Variants in DGLUCY observed in about 807,000 individuals in gnomAD.
DGLUCY encodes the protein D-glutamate cyclase.
A neutral mutation model predicts 58.5 loss-of-function variants in DGLUCY; 58 were observed. That is an observed-to-expected ratio of 0.99 (90% CI 0.80 to 1.23). The LOEUF is 1.23. Among genes scored for constraint, DGLUCY ranks in the 50% most tolerant of loss-of-function variants. The probability of loss-of-function intolerance (pLI) is 0.00; values close to 1 mark genes in which losing one functional copy is unlikely to be tolerated. For synonymous variants in DGLUCY, 325 were observed against 314.1 expected, an observed-to-expected ratio of 1.03 and a Z score of -0.37; for missense variants, 779 against 784.7, an observed-to-expected ratio of 0.99 and a Z score of 0.09.
intron 1 of DGLUCY, among the ~76,000 whole-genome samples, chr14:91,140,931 T>A (rs1365543526): frequency 6.6e-6 from 1 of 152,156 alleles, no homozygotes; most frequent in Non-Finnish European, 1.5e-5. Flanking sequence ...TCCTGTAGGA[T>A]TTCATGAGAC....
chr14:91,217,044 G>A lies in DGLUCY; in HGVS notation c.1716+1488G>A, dbSNP rs561610749. Among the ~76,000 whole-genome samples the A allele has an allele frequency of 5.3e-5, 8 of 152,266 alleles. 1 individual carries two copies. Among genetic ancestry groups the A allele is most frequent in the African/African-American group, 1.9e-4 (8 of 41,542 alleles). ...CAACACCAATTCCAGGCTCTAACCC[G>A]CCTCCTCTGGGGCTCCTCAAGGAGA... On this transcript the variant is annotated intron_variant, in intron 13 of 13. Transcript: ENST00000256324.
At chr14:91,125,993 T>C (rs2045650801) in intron 1 of DGLUCY, among the ~76,000 whole-genome samples, 1 of 152,192 alleles carries the variant, frequency 6.6e-6, no homozygotes, top group South Asian at 2.1e-4. Context: ...GCTGGGGTCA[T>C]GTGACCATCC....
At chr14:91,149,986 C>T (rs375869740) in intron 1 of DGLUCY, among the ~76,000 whole-genome samples, 11 of 151,862 alleles carry the variant, frequency 7.2e-5, no homozygotes, top group Admixed American at 2.6e-4. Flanking sequence ...TTTGGGTGGC[C>T]GAGGCGGGCG....
chr14:91,184,577 T>TGGGG (rs1217191950), intron 8 of DGLUCY, among the ~76,000 whole-genome samples: 5 of 23,252 alleles, frequency 2.2e-4, no homozygotes, highest in Non-Finnish European at 2.7e-4. Flanking sequence ...GAAAGAAAGT[T>TGGGG]GGGGGGGGGG....
rs139087658 is a variant in DGLUCY at position 91,225,252 on chromosome 14, C to A, written c.*419C>A. On this transcript the variant is annotated 3_prime_UTR_variant, in exon 14 of 14. Transcript: ENST00000256324. ...ACTCCAGACTCCAGTCATCCTCCCCCATCCATGGTTTCTGTTACTCATGGT... is the reference window on the plus strand; with the variant it reads ...ACTCCAGACTCCAGTCATCCTCCCCAATCCATGGTTTCTGTTACTCATGGT... The A allele has an allele frequency of 6.4e-6, 1 of 155,834 alleles. No homozygotes were observed. Among genetic ancestry groups the A allele is most frequent in the African/African-American group, 2.4e-5 (1 of 41,638 alleles). 9.7% of individuals were successfully genotyped at this position (155,834 alleles called of 1,614,324 possible).
intron 8 of DGLUCY, among the ~76,000 whole-genome samples, chr14:91,188,285 C>G (rs1227317663): frequency 6.6e-6 from 1 of 152,114 alleles, no homozygotes; most frequent in Non-Finnish European, 1.5e-5. Flanking sequence ...AGGTGCATGC[C>G]AGGCCCAGAG....
chr14:91,166,809 A>G (rs535636257), intron 3 of DGLUCY, among the ~76,000 whole-genome samples: 1 of 152,082 alleles, frequency 6.6e-6, no homozygotes, highest in African/African-American at 2.4e-5. Context: ...CTTTAAAAAA[A>G]TCACAGAGGG....
chr14:91,130,174 T>TA (rs1162221629), intron 1 of DGLUCY, among the ~76,000 whole-genome samples: 25 of 152,334 alleles, frequency 1.6e-4, no homozygotes, highest in African/African-American at 5.8e-4. Flanking sequence ...TACAAGTCAG[T>TA]AATGGTGTTT....
At chr14:91,213,096 A>G (rs1224833123) in intron 12 of DGLUCY, among the ~76,000 whole-genome samples, 3 of 151,878 alleles carry the variant, frequency 2.0e-5, no homozygotes, top group African/African-American at 7.3e-5. Context: ...TGATTGTGCC[A>G]CTGCACTCCA....
At chr14:91,178,457 C>T (rs2048986924) in intron 7 of DGLUCY, among the ~76,000 whole-genome samples, 1 of 152,132 alleles carries the variant, frequency 6.6e-6, no homozygotes, top group African/African-American at 2.4e-5. Flanking sequence ...AGCCACCATG[C>T]CTACCTTGAA....
intron 1 of DGLUCY, among the ~76,000 whole-genome samples, chr14:91,127,792 AAG>A (rs1294107524): frequency 1.3e-5 from 2 of 152,240 alleles, no homozygotes; most frequent in Non-Finnish European, 2.9e-5. Context: ...CCCAGGCAGA[AAG>A]AGAAACTCAT....
At chr14:91,218,425 A>ATGGAGTCTCACTCTGTTACCAGGC (rs1886921026) in intron 13 of DGLUCY, among the ~76,000 whole-genome samples, 1 of 148,138 alleles carries the variant, frequency 6.8e-6, no homozygotes, top group African/African-American at 2.5e-5. Flanking sequence ...TTTTCTTGAG[A>ATGGAGTCTCACTCTGTTACCAGGC]TGGAGTCTCA....
chr14:91,097,268 T>C (rs1244254727), intron 1 of DGLUCY, among the ~76,000 whole-genome samples: 1 of 152,030 alleles, frequency 6.6e-6, no homozygotes, highest in Non-Finnish European at 1.5e-5. Flanking sequence ...GTGTGACACG[T>C]GCCTGTGGTC....
intron 1 of DGLUCY, among the ~76,000 whole-genome samples, chr14:91,145,895 T>C (rs1334874541): frequency 6.6e-6 from 1 of 152,154 alleles, no homozygotes; most frequent in East Asian, 1.9e-4. Context: ...TTTTTATTTT[T>C]GGAGACAGGC....
At chr14:91,220,927 G>C (rs1011460916) in intron 13 of DGLUCY, among the ~76,000 whole-genome samples, 2 of 152,228 alleles carry the variant, frequency 1.3e-5, no homozygotes, top group Non-Finnish European at 2.9e-5. Context: ...CAGGAAAGAG[G>C]CTAAGGAAAC....
At chr14:91,062,506 C>T (rs1374333431) in intron 1 of DGLUCY, among the ~76,000 whole-genome samples, 2 of 140,026 alleles carry the variant, frequency 1.4e-5, no homozygotes, top group Non-Finnish European at 3.0e-5. Context: ...CGAGATCACA[C>T]CATTGCACTT....
chr14:91,203,609 G>C (rs1026255675), intron 11 of DGLUCY, among the ~76,000 whole-genome samples: 1 of 151,954 alleles, frequency 6.6e-6, no homozygotes, highest in African/African-American at 2.4e-5. Context: ...CACAGGAGCT[G>C]TGTCCCCCAG....
chr14:91,220,314 C>T, intron 13 of DGLUCY: 1 of 365,672 alleles, frequency 2.7e-6, no homozygotes, highest in South Asian at 2.0e-5. Context: ...TGGAATGAGT[C>T]CCTTTGTGTA....
intron 1 of DGLUCY, among the ~76,000 whole-genome samples, chr14:91,089,048 A>T (rs1400610628): frequency 6.6e-6 from 1 of 152,218 alleles, no homozygotes; most frequent in Non-Finnish European, 1.5e-5. Flanking sequence ...TGTACCAGAC[A>T]CTGAAGGAAT....
Sources: gnomAD v4.1 joint callset for allele counts (sites outside exome capture counted in the v4.1 genomes callset) on GRCh38, gnomAD v4.1.1 for gene constraint, MANE v1.5 for transcripts, NCBI Gene and HGNC (gene_info 2026-07-23, HGNC 2026-07-21) for gene names.